The following LRRC4C variants were observed in gnomAD, a reference collection of about 807,000 sequenced individuals.
LRRC4C encodes leucine-rich repeat-containing protein 4C.
A neutral mutation model predicts 33.6 loss-of-function variants in LRRC4C; 5 were observed. The observed-to-expected ratio is 0.15, with a 90% CI of 0.08 to 0.31. LRRC4C has a LOEUF of 0.31. LRRC4C is among the 10% of genes least tolerant of loss of function. The pLI is 1.00. For missense variants in LRRC4C, 560 were observed against 796.7 expected, an observed-to-expected ratio of 0.70 and a Z score of 3.58; for synonymous variants, 329 against 302.0, an observed-to-expected ratio of 1.09 and a Z score of -0.93.
At chr11:40,433,274 T>C (rs1951008873) in intron 3 of LRRC4C, among the ~76,000 whole-genome samples, 1 of 152,106 alleles carries the variant, frequency 6.6e-6, no homozygotes, top group African/African-American at 2.4e-5. Flanking sequence ...TATATTATGT[T>C]TTGTATATAT....
chr11:40,395,686 T>C (rs1226375805), intron 3 of LRRC4C, among the ~76,000 whole-genome samples: 1 of 152,144 alleles, frequency 6.6e-6, no homozygotes, highest in African/African-American at 2.4e-5. Context: ...CCAGAGTGCT[T>C]ATTAAAATAC....
intron 1 of LRRC4C, among the ~76,000 whole-genome samples, chr11:41,058,828 C>A (rs1017660952): frequency 6.6e-6 from 1 of 152,050 alleles, no homozygotes. Context: ...CAATGGTAGA[C>A]TGGATAAAGA....
chr11:40,140,440 T>C (rs1857284810), intron 6 of LRRC4C, among the ~76,000 whole-genome samples: 1 of 152,114 alleles, frequency 6.6e-6, no homozygotes, highest in African/African-American at 2.4e-5. Flanking sequence ...AATACTCTTA[T>C]AAAATATTTA....
chr11:40,513,284 A>C (rs1590965708), intron 3 of LRRC4C, among the ~76,000 whole-genome samples: 1 of 151,986 alleles, frequency 6.6e-6, no homozygotes, highest in East Asian at 1.9e-4. Flanking sequence ...AGAAAGAAAA[A>C]AATCCACTCT....
At chr11:40,227,877 C>T (rs759586739) in intron 5 of LRRC4C, among the ~76,000 whole-genome samples, 1 of 152,034 alleles carries the variant, frequency 6.6e-6, no homozygotes, top group Non-Finnish European at 1.5e-5. Context: ...AAAAGATCTA[C>T]CACTCAGAGT....
At chr11:41,380,085 T>C (rs1345584482) in intron 1 of LRRC4C, among the ~76,000 whole-genome samples, 1 of 152,010 alleles carries the variant, frequency 6.6e-6, no homozygotes, top group African/African-American at 2.4e-5. Flanking sequence ...AACTGAAGGG[T>C]AAGGTTAGCA....
At chr11:40,597,798 TCAGCCCTATAATAATACA>T (rs1959514740) in intron 3 of LRRC4C, among the ~76,000 whole-genome samples, 1 of 152,160 alleles carries the variant, frequency 6.6e-6, no homozygotes, top group Non-Finnish European at 1.5e-5. Flanking sequence ...GACATCGCAG[TCAGCCCTATAATAATACA>T]GTAACGAAAA....
At chr11:40,397,380 G>A (rs1949584162) in intron 3 of LRRC4C, among the ~76,000 whole-genome samples, 1 of 151,912 alleles carries the variant, frequency 6.6e-6, no homozygotes, top group Non-Finnish European at 1.5e-5. Context: ...TTGAAGTTAA[G>A]TAAAAGCAAA....
intron 2 of LRRC4C, among the ~76,000 whole-genome samples, chr11:40,838,486 A>C (rs1952775941): frequency 6.6e-6 from 1 of 152,168 alleles, no homozygotes; most frequent in African/African-American, 2.4e-5. Context: ...AAATATTCCT[A>C]GTCTTCCCAC....
chr11:40,623,878 A>T (rs1392704756), intron 3 of LRRC4C, among the ~76,000 whole-genome samples: 1 of 152,140 alleles, frequency 6.6e-6, no homozygotes, highest in Non-Finnish European at 1.5e-5. Flanking sequence ...AATTTATTAT[A>T]AACCCTCTAC....
rs76974780 is a variant in LRRC4C at position 40,756,417 on chromosome 11, G to A, written c.-406-108139C>T. Among the ~76,000 whole-genome samples, 661 of 152,126 alleles carry A rather than the reference G, an allele frequency of 4.3e-3. 7 individuals carry two copies. The highest frequency in any genetic ancestry group is 0.015 in the African/African-American group (614 of 41,516). On this transcript the variant is annotated intron_variant, in intron 2 of 6. Transcript: ENST00000528697. Reference sequence around the variant, plus strand: ...TGTGTTTAATTGCATTTACTATGCAGCATTTTGTTAGCTTAATTTTCATTT... The same window carrying A: ...TGTGTTTAATTGCATTTACTATGCAACATTTTGTTAGCTTAATTTTCATTT...
rs768557111 is a variant in LRRC4C at position 41,341,107 on chromosome 11, ATGT to A, written c.-496+118321_-496+118323del. Among the ~76,000 whole-genome samples the A allele has an allele frequency of 2.2e-4, 34 of 151,618 alleles. No individual in the cohort carries two copies. The East Asian group carries it at 3.9e-3, about 17-fold the overall frequency. Reference sequence around the variant, plus strand: ...GCTTTACCTATATGTGAAAGTGATGATGTTGTCCTGTAACAAGGACTGAAGGCA... The same window carrying A: ...GCTTTACCTATATGTGAAAGTGATGATGTCCTGTAACAAGGACTGAAGGCA... On this transcript the variant is annotated intron_variant, in intron 1 of 6. Coordinates refer to ENST00000528697, the MANE Select transcript of LRRC4C (RefSeq NM_001258419.2).
chr11:41,457,552 A>C (rs991939479), intron 1 of LRRC4C, among the ~76,000 whole-genome samples: 3 of 152,096 alleles, frequency 2.0e-5, no homozygotes, highest in Admixed American at 6.6e-5. Flanking sequence ...TGAACCTCAG[A>C]TTGTTTTTTC....
chr11:40,778,088 A>G (rs1950080339), intron 2 of LRRC4C, among the ~76,000 whole-genome samples: 1 of 152,116 alleles, frequency 6.6e-6, no homozygotes, highest in Non-Finnish European at 1.5e-5. Context: ...TGAGTTTTTC[A>G]TCCTATTGTG....
intron 2 of LRRC4C, among the ~76,000 whole-genome samples, chr11:40,780,754 T>C (rs781128188): frequency 7.9e-5 from 12 of 151,396 alleles, no homozygotes; most frequent in Non-Finnish European, 1.3e-4. Flanking sequence ...CTCCATGAAT[T>C]CAGAGAGCTA....
intron 2 of LRRC4C, among the ~76,000 whole-genome samples, chr11:40,913,814 G>C (rs1009185548): frequency 6.6e-6 from 1 of 151,970 alleles, no homozygotes; most frequent in Non-Finnish European, 1.5e-5. Context: ...GACTAATAAA[G>C]AAGAAAAGAG....
rs534865794 is a variant in LRRC4C, at chr11:40,816,943, C to T, written c.-407+116692G>A. Among the ~76,000 whole-genome samples, 11 of 152,152 alleles carry T rather than the reference C, an allele frequency of 7.2e-5. No homozygotes were observed. In the East Asian group the frequency reaches 1.4e-3, roughly 19 times the overall value. ...GTCCTATCACAATAGATATCTATAA[C>T]GTAAAGACAGGTATTCCTGGATGGA... On this transcript the variant is annotated intron_variant, in intron 2 of 6. Transcript: ENST00000528697.
intron 1 of LRRC4C, among the ~76,000 whole-genome samples, chr11:41,382,713 T>C (rs1953201404): frequency 6.6e-6 from 1 of 152,086 alleles, no homozygotes; most frequent in African/African-American, 2.4e-5. Context: ...TGTTATGGAC[T>C]CATAAAAATA....
intron 5 of LRRC4C, among the ~76,000 whole-genome samples, chr11:40,190,982 A>G (rs901757621): frequency 6.6e-6 from 1 of 152,138 alleles, no homozygotes; most frequent in Non-Finnish European, 1.5e-5. Context: ...AAATGTGTTG[A>G]TTTAGTTTTT....
Sources: gnomAD v4.1 joint callset for allele counts (sites outside exome capture counted in the v4.1 genomes callset) on GRCh38, gnomAD v4.1.1 for gene constraint, MANE v1.5 for transcripts, NCBI Gene and HGNC (gene_info 2026-07-23, HGNC 2026-07-21) for gene names.